Variants in IFNLR1 observed in about 807,000 individuals in gnomAD.
IFNLR1 encodes CRF2-12.
Under a neutral mutation model 52.5 loss-of-function variants are expected in IFNLR1, and 28 were observed. That is an observed-to-expected ratio of 0.53 (90% CI 0.40 to 0.73). The LOEUF (loss-of-function observed/expected upper bound fraction) is 0.73, where lower values mean the gene tolerates loss of function less well. IFNLR1 is among the 30% of genes least tolerant of loss of function. IFNLR1 has a pLI of 0.00. For missense variants in IFNLR1, 623 were observed against 659.1 expected (o/e 0.95, Z 0.60); for synonymous variants, 276 against 274.9 (o/e 1.00, Z -0.04).
chr1:24,184,056 AC>A (rs1268646905), intron 1 of IFNLR1, among the ~76,000 whole-genome samples: 1 of 151,812 alleles, frequency 6.6e-6, no homozygotes, highest in Non-Finnish European at 1.5e-5. Flanking sequence ...TACAATCACC[AC>A]CAAGGCCCTA....
At chr1:24,181,058 C>T (rs146811901) in intron 1 of IFNLR1, among the ~76,000 whole-genome samples, 80 of 152,216 alleles carry the variant, frequency 5.3e-4, no homozygotes, top group South Asian at 1.2e-3. Context: ...ACTCTGGGAC[C>T]GGAGGGTTCC....
chr1:24,162,934 C>T (rs1644478370), intron 3 of IFNLR1, among the ~76,000 whole-genome samples: 1 of 81,630 alleles, frequency 1.2e-5, no homozygotes, highest in Non-Finnish European at 2.3e-5. Context: ...TCTTTTCTTT[C>T]TTTCTCTTTC....
chr1:24,177,989 A>G (rs183336761), intron 2 of IFNLR1, among the ~76,000 whole-genome samples: 50 of 152,274 alleles, frequency 3.3e-4, no homozygotes, highest in African/African-American at 1.2e-3. Flanking sequence ...TATCTTAAAA[A>G]TTATGTACAT....
rs139958347 is a variant in IFNLR1, at chr1:24,187,233, G to C, written c.16C>G (p.Arg6Gly). Residue 6 changes from arginine to glycine, a missense_variant, in exon 1 of 7, where the codon CGC becomes GGC. Coordinates refer to ENST00000327535, the MANE Select transcript of IFNLR1 (RefSeq NM_170743.4). ...AGGCACAGGAGCAGGGGGCCCCAGCGCTCGGGCCCCGCCATGGCCTTCCTG... is the reference window on the plus strand; with the variant it reads ...AGGCACAGGAGCAGGGGGCCCCAGCCCTCGGGCCCCGCCATGGCCTTCCTG... MAGPE[R>G]WGPLLLCLLQ... The C allele has an allele frequency of 0.035, 45,212 of 1,284,896 alleles. 957 individuals are homozygous for C. The highest frequency in any genetic ancestry group is 0.041 in the Non-Finnish European group (41,244 of 1,015,436). 79.6% of individuals were successfully genotyped at this position (1,284,896 alleles called of 1,614,324 possible). A position where few individuals can be genotyped will look rare whatever the true frequency, so the allele number is the denominator to read the frequency against.
chr1:24,164,333 T>C (rs1042768059), intron 3 of IFNLR1, among the ~76,000 whole-genome samples: 34 of 152,218 alleles, frequency 2.2e-4, no homozygotes, highest in Non-Finnish European at 2.1e-4. Flanking sequence ...CTAAGTAGTT[T>C]TACCAGTCTG....
intron 2 of IFNLR1, among the ~76,000 whole-genome samples, chr1:24,176,033 A>C (rs1027435598): frequency 2.0e-5 from 3 of 152,208 alleles, no homozygotes; most frequent in African/African-American, 7.2e-5. Flanking sequence ...GAGGGCAAGC[A>C]TATGGCAGCC....
intron 3 of IFNLR1, among the ~76,000 whole-genome samples, chr1:24,167,273 G>C (rs1230724027): frequency 6.6e-6 from 1 of 152,230 alleles, no homozygotes; most frequent in Non-Finnish European, 1.5e-5. Context: ...TTCAGACTCA[G>C]ACAGAATCAC....
chr1:24,177,806 G>A (rs1644648276), intron 2 of IFNLR1, among the ~76,000 whole-genome samples: 1 of 152,170 alleles, frequency 6.6e-6, no homozygotes, highest in Admixed American at 6.5e-5. Flanking sequence ...TATGTTTTGG[G>A]ATAAAGAAAA....
intron 3 of IFNLR1, among the ~76,000 whole-genome samples, chr1:24,165,414 T>C (rs2153335): frequency 0.93 from 141,544 of 152,244 alleles, 66,612 homozygotes; most frequent in East Asian, 1. Context: ...CTAACAGGCT[T>C]TTCACGATGA....
At chr1:24,164,444 C>T (rs1006202013) in intron 3 of IFNLR1, among the ~76,000 whole-genome samples, 1 of 152,116 alleles carries the variant, frequency 6.6e-6, no homozygotes, top group South Asian at 2.1e-4. Context: ...TGGATGTAAA[C>T]GTCTCAGGAA....
At chr1:24,170,852 G>A (rs1644571849) in intron 2 of IFNLR1, among the ~76,000 whole-genome samples, 1 of 152,216 alleles carries the variant, frequency 6.6e-6, no homozygotes, top group Non-Finnish European at 1.5e-5. Context: ...GATTGCTCCT[G>A]GGTTTGGGGA....
At chr1:24,180,675 A>ACCCCC in intron 2 of IFNLR1, 56 bp downstream of exon 2, 1 of 385,914 alleles carries the variant, frequency 2.6e-6, no homozygotes, top group East Asian at 6.9e-5. Context: ...AAGCCCCTCC[A>ACCCCC]GCCCCCACCC....
chr1:24,184,740 C>G (rs12091153), intron 1 of IFNLR1, among the ~76,000 whole-genome samples: 1 of 152,096 alleles, frequency 6.6e-6, no homozygotes, highest in Non-Finnish European at 1.5e-5. Context: ...CAGCTAAGGC[C>G]GGGCATGGTA....
At chr1:24,175,564 G>A (rs901322401) in intron 2 of IFNLR1, among the ~76,000 whole-genome samples, 3 of 152,186 alleles carry the variant, frequency 2.0e-5, no homozygotes, top group Non-Finnish European at 2.9e-5. Context: ...CTCAGGATGA[G>A]TAACACCTCC....
Position 24,157,782 on chromosome 1 carries a change from G to C in IFNLR1, c.911C>G (p.Pro304Arg). The C allele has an allele frequency of 6.2e-7, 1 of 1,614,124 alleles. No individual in the cohort carries two copies. The highest frequency in any genetic ancestry group is 8.5e-7 in the Non-Finnish European group (1 of 1,180,020). Residue 304 changes from proline to arginine, a missense_variant, in exon 7 of 7, where the codon CCG (proline) becomes CGG (arginine). By Grantham distance (103) the Pro-to-Arg change is moderately radical. Transcript: ENST00000327535. The surrounding 1 kb of genome is among the most constrained non-coding windows in gnomAD (Gnocchi z 5.1). ...PQKELTRGVR[P>R]TPRVRAPATQ... The stretch of plus-strand genomic sequence containing the variant: ...GGCTGGGGCCCTGACTCGAGGCGTC[G>C]GCCTGACCCCTCTGGTCAGTTCCTT...
chr1:24,180,006 T>A (rs559227144), intron 2 of IFNLR1, among the ~76,000 whole-genome samples: 8 of 152,306 alleles, frequency 5.3e-5, no homozygotes, highest in Admixed American at 3.9e-4. Flanking sequence ...GGGAAAAGTG[T>A]GACCATTTGG....
chr1:24,180,669 C>CCCAACA, intron 2 of IFNLR1, 62 bp downstream of exon 2: 1 of 1,256,248 alleles, frequency 8.0e-7, no homozygotes, highest in Non-Finnish European at 1.1e-6. Flanking sequence ...CCAGAGAAGC[C>CCCAACA]CCTCCAGCCC....
At chr1:24,161,055 T>C (rs1383557437) in intron 4 of IFNLR1, among the ~76,000 whole-genome samples, 3 of 152,214 alleles carry the variant, frequency 2.0e-5, no homozygotes, top group Non-Finnish European at 2.9e-5. Context: ...AACCCAGCGA[T>C]GCCCATTCAT....
chr1:24,159,076 C>T lies in IFNLR1; in HGVS notation c.777G>A (p.Gln259=), dbSNP rs1644411998. 1 of 1,614,054 alleles carries T rather than the reference C, an allele frequency of 6.2e-7. No homozygotes were observed. The highest frequency in any genetic ancestry group is 1.3e-5 in the African/African-American group (1 of 74,926). Residue 259 remains glutamine, a synonymous_variant, in exon 6 of 7, where the codon CAG becomes CAA. Coordinates refer to ENST00000327535, the MANE Select transcript of IFNLR1 (RefSeq NM_170743.4). The stretch of plus-strand genomic sequence containing the variant: ...CCAGGGCCCGTGGCATCTTTGCCCG[C>T]TGAAACCAGGGGTTCCCCATGAGGG... ...WKTLMGNPWF[Q]RAKMPRALDF...
Sources: allele counts gnomAD v4.1 joint callset (sites outside exome capture counted in the v4.1 genomes callset), GRCh38; gene constraint gnomAD v4.1.1; non-coding constraint Gnocchi (gnomAD v3.1); transcripts MANE v1.5; gene names NCBI Gene and HGNC (gene_info 2026-07-23, HGNC 2026-07-21).